Variants in NEK11 observed in about 807,000 individuals in gnomAD.
NEK11 encodes NIMA related kinase 11.
NEK11 carries 72 observed loss-of-function variants against 80.7 expected under a neutral mutation model. That is an observed-to-expected ratio of 0.89 (90% CI 0.74 to 1.08). NEK11 has a LOEUF of 1.08. Among genes scored for constraint, NEK11 ranks in the 50% least tolerant of loss-of-function variants. The pLI, the probability that NEK11 is intolerant of heterozygous loss-of-function variation, is 0.00. For synonymous variants in NEK11, 251 were observed against 260.7 expected (o/e 0.96, Z 0.36); for missense variants, 764 against 763.6 (o/e 1.00, Z -0.01).
At chr3:131,211,359 CT>C (rs1216711500) in intron 14 of NEK11, among the ~76,000 whole-genome samples, 1 of 152,174 alleles carries the variant, frequency 6.6e-6, no homozygotes, top group Non-Finnish European at 1.5e-5. Flanking sequence ...ATGGGCTTCC[CT>C]TTGTGGGTAA....
chr3:131,033,894 G>A (rs895232675), intron 3 of NEK11, among the ~76,000 whole-genome samples: 1 of 152,138 alleles, frequency 6.6e-6, no homozygotes, highest in Non-Finnish European at 1.5e-5. Flanking sequence ...AAATTAAACT[G>A]TTAAAATGTA....
At chr3:131,266,274 TTC>T (rs1230034573) in intron 16 of NEK11, among the ~76,000 whole-genome samples, 1 of 152,222 alleles carries the variant, frequency 6.6e-6, no homozygotes, top group African/African-American at 2.4e-5. Flanking sequence ...TTGCTCTTTC[TTC>T]TCTAGTTCTT....
chr3:131,267,073 T>C (rs747261555), intron 16 of NEK11, among the ~76,000 whole-genome samples: 10 of 152,238 alleles, frequency 6.6e-5, no homozygotes, highest in Non-Finnish European at 1.5e-4. Flanking sequence ...ATTTTGAGCC[T>C]ATGTGTGTCT....
chr3:131,239,568 C>T (rs1400663931), intron 15 of NEK11, among the ~76,000 whole-genome samples: 1 of 152,114 alleles, frequency 6.6e-6, no homozygotes, highest in African/African-American at 2.4e-5. Context: ...TTGATATGTG[C>T]CAAGCCTTCT....
At chr3:131,219,339 A>G (rs1347955997) in intron 14 of NEK11, among the ~76,000 whole-genome samples, 2 of 152,058 alleles carry the variant, frequency 1.3e-5, no homozygotes, top group Admixed American at 6.6e-5. Flanking sequence ...TGGGAGTTGA[A>G]CAATGAGAAC....
intron 10 of NEK11, among the ~76,000 whole-genome samples, chr3:131,155,998 G>A (rs990666161): frequency 5.9e-5 from 9 of 152,014 alleles, no homozygotes; most frequent in Admixed American, 4.6e-4. Flanking sequence ...AAGAAACGTC[G>A]AAATTTCCAA....
intron 12 of NEK11, among the ~76,000 whole-genome samples, chr3:131,167,619 A>G (rs1183831811): frequency 1.3e-5 from 2 of 152,326 alleles, no homozygotes; most frequent in Admixed American, 1.3e-4. Context: ...GTAACTGAAG[A>G]TAAGCCTGAG....
At chr3:131,151,076 T>C (rs900750346) in intron 7 of NEK11, among the ~76,000 whole-genome samples, 1 of 152,114 alleles carries the variant, frequency 6.6e-6, no homozygotes, top group Non-Finnish European at 1.5e-5. Context: ...GTTGATTTCA[T>C]GCACTTTCTT....
intron 3 of NEK11, among the ~76,000 whole-genome samples, chr3:131,056,740 G>A (rs2069576938): frequency 6.6e-6 from 1 of 152,138 alleles, no homozygotes; most frequent in African/African-American, 2.4e-5. Flanking sequence ...GCATCCTGAT[G>A]TACAGTTGTG....
chr3:131,237,266 G>A (rs1399869964), intron 15 of NEK11, among the ~76,000 whole-genome samples: 1 of 152,106 alleles, frequency 6.6e-6, no homozygotes, highest in African/African-American at 2.4e-5. Context: ...AGCCCAAGAG[G>A]TTGAGGCTGC....
intron 17 of NEK11, among the ~76,000 whole-genome samples, chr3:131,293,371 A>C (rs1382763686): frequency 6.6e-6 from 1 of 152,074 alleles, no homozygotes; most frequent in Non-Finnish European, 1.5e-5. Flanking sequence ...TTTTTAGTCT[A>C]TTGATGTAAT....
At chr3:131,202,664 T>C (rs1223157456) in intron 14 of NEK11, among the ~76,000 whole-genome samples, 1 of 152,136 alleles carries the variant, frequency 6.6e-6, no homozygotes, top group African/African-American at 2.4e-5. Flanking sequence ...GAGAAAATTT[T>C]TGCAATCTAC....
At chr3:131,245,574 G>A (rs1450090036) in intron 16 of NEK11, among the ~76,000 whole-genome samples, 2 of 152,096 alleles carry the variant, frequency 1.3e-5, no homozygotes, top group East Asian at 1.9e-4. Flanking sequence ...CTGTATAAAT[G>A]TTCCTTTTTC....
chr3:131,065,510 A>T (rs997419800), intron 3 of NEK11, among the ~76,000 whole-genome samples: 1 of 152,202 alleles, frequency 6.6e-6, no homozygotes, highest in Non-Finnish European at 1.5e-5. Flanking sequence ...TAATGATACT[A>T]AAATCTTTCA....
At chr3:131,246,929 A>G (rs1476454972) in intron 16 of NEK11, among the ~76,000 whole-genome samples, 3 of 151,510 alleles carry the variant, frequency 2.0e-5, no homozygotes, top group South Asian at 2.1e-4. Flanking sequence ...AGAATTGTCT[A>G]CTTATGTCCT....
chr3:131,186,293 T>C (rs2093597531), intron 14 of NEK11, among the ~76,000 whole-genome samples: 1 of 152,210 alleles, frequency 6.6e-6, no homozygotes, highest in Non-Finnish European at 1.5e-5. Flanking sequence ...ATAAAATCAC[T>C]TTGGCTGATT....
chr3:131,140,135 C>T (rs1442005718), intron 7 of NEK11, among the ~76,000 whole-genome samples: 1 of 152,166 alleles, frequency 6.6e-6, no homozygotes, highest in African/African-American at 2.4e-5. Context: ...GTTCCCTCAC[C>T]TTTAATTTGG....
chr3:131,083,053 C>T (rs367618487), intron 4 of NEK11, among the ~76,000 whole-genome samples: 3 of 152,150 alleles, frequency 2.0e-5, no homozygotes, highest in African/African-American at 7.2e-5. Flanking sequence ...TGGGAACTTG[C>T]TAGAAATACA....
At chr3:131,040,378 G>A (rs531502769) in intron 3 of NEK11, among the ~76,000 whole-genome samples, 5 of 152,080 alleles carry the variant, frequency 3.3e-5, no homozygotes, top group African/African-American at 1.2e-4. Flanking sequence ...TGATGGATAT[G>A]CTCATTATCA....
Sources: allele counts gnomAD v4.1 joint callset (sites outside exome capture counted in the v4.1 genomes callset), GRCh38; gene constraint gnomAD v4.1.1; transcripts MANE v1.5; gene names NCBI Gene and HGNC (gene_info 2026-07-23, HGNC 2026-07-21).